L1CAM: variants seen among roughly 807,000 people sequenced by gnomAD.
L1CAM encodes the protein L1 cell adhesion molecule.
In L1CAM, 8 loss-of-function variants were observed where a neutral mutation model predicts 93.0. That is an observed-to-expected ratio of 0.09 (90% CI 0.05 to 0.16). The LOEUF is 0.16. Ranked by LOEUF, L1CAM falls within the 10% of genes least tolerant of loss-of-function variation. The pLI, the probability that L1CAM is intolerant of heterozygous loss-of-function variation, is 1.00. For synonymous variants in L1CAM, 453 were observed against 453.0 expected (o/e 1.00, Z 0.00); for missense variants, 777 against 1,073.4 (o/e 0.72, Z 3.86).
intron 1 of L1CAM, chrX:153,884,101 G>A (rs2064863403): frequency 1.5e-6 from 1 of 662,498 alleles, no homozygotes; most frequent in Admixed American, 3.1e-5. Flanking sequence ...TTTCCCTTCA[G>A]ATAATCATCA....
At chrX:153,871,861 GC>G (rs1400258583) in intron 5 of L1CAM, among the ~76,000 whole-genome samples, 52 of 20,846 alleles carry the variant, frequency 2.5e-3, no homozygotes, top group African/African-American at 4.8e-3. Context: ...CCACCAGCCC[GC>G]CCCCCCCTCC....
chrX:153,866,991 G>A, intron 18 of L1CAM, 63 bp downstream of exon 18: 2 of 1,132,361 alleles, frequency 1.8e-6, no homozygotes, highest in African/African-American at 1.8e-5. Context: ...AGCCAAGGGG[G>A]AGCAACAGAC....
chrX:153,866,781 T>A lies in L1CAM; in HGVS notation c.2299A>T (p.Ile767Phe), dbSNP rs371871521. Residue 767 changes from isoleucine (I) to phenylalanine (F), a missense_variant, in exon 19 of 29, where the codon ATT becomes TTT. Coordinates refer to ENST00000370060, the MANE Select transcript of L1CAM (RefSeq NM_001278116.2). ...QGTRGPWQEQ[I>F]VSDPFLVVSN... ...ACCACCAGGAAGGGGTCGCTGACAA[T>A]CTGCTCCTGCCAGGGCCCTCGTGTC... is the stretch of plus-strand genomic sequence containing the variant. The A allele has an allele frequency of 1.7e-6, 2 of 1,209,494 alleles. No homozygotes were observed. Among genetic ancestry groups the A allele is most frequent in the African/African-American group, 3.5e-5 (2 of 57,060 alleles).
Position 153,864,923 on chromosome X carries a change from C to A in L1CAM, c.2944G>T (p.Asp982Tyr), listed in dbSNP as rs782121391. ...DPELRTHNLT[D>Y]LSPHLRYRFQ... Reference sequence around the variant, plus strand: ...CGGTACCGCAGGTGGGGGCTGAGATCGGTCAGGTTGTGTGTCCGAAGTTCG... The same window carrying A: ...CGGTACCGCAGGTGGGGGCTGAGATAGGTCAGGTTGTGTGTCCGAAGTTCG... The change falls in exon 23 of 29, where the codon GAT becomes TAT. Residue 982 changes from aspartate to tyrosine, a missense_variant. Transcript: ENST00000370060. 2 of 1,211,033 alleles carry A rather than the reference C, an allele frequency of 1.7e-6. No homozygotes were observed. The highest frequency in any genetic ancestry group is 2.2e-6 in the Non-Finnish European group (2 of 895,324).
intron 5 of L1CAM, 74 bp from the exon 6 acceptor site, chrX:153,871,253 A>C: frequency 4.2e-6 from 1 of 240,313 alleles, no homozygotes; most frequent in Non-Finnish European, 7.7e-6. Flanking sequence ...AGGTGGGGGC[A>C]GGGGGGTGGC....
rs146526273 is a variant in L1CAM at position 153,862,765 on chromosome X, C to T, written c.3672G>A (p.Ser1224=). ...SVDVQFNEDG[S]FIGQYSGKKE... The stretch of plus-strand genomic sequence containing the variant: ...TCTTGCCACTGTACTGGCCAATGAA[C>T]GAACCATCCTCGTTGAACTGAACAT... Residue 1224 remains serine, a synonymous_variant, in exon 29 of 29, where the codon TCG becomes TCA. Coordinates refer to ENST00000370060, the MANE Select transcript of L1CAM (RefSeq NM_001278116.2). 6.9e-5 allele frequency: 84 copies of T among 1,211,183 alleles called. No individual in the cohort carries two copies. In the African/African-American group the frequency reaches 1.3e-3, roughly 19 times the overall value.
At chrX:153,884,762 C>T (rs1557096575) in intron 1 of L1CAM, among the ~76,000 whole-genome samples, 1 of 112,730 alleles carries the variant, frequency 8.9e-6, no homozygotes, top group East Asian at 2.8e-4. Context: ...AGTCCCACCA[C>T]CTGCAGCAAG....
intron 1 of L1CAM, chrX:153,876,187 T>C: frequency 2.4e-6 from 1 of 420,928 alleles, no homozygotes. Flanking sequence ...CTCTACTCTC[T>C]GTCTGCACCT....
chrX:153,878,156 C>T (rs1216204758), intron 1 of L1CAM, among the ~76,000 whole-genome samples: 1 of 112,675 alleles, frequency 8.9e-6, no homozygotes, highest in Non-Finnish European at 1.9e-5. Context: ...TCATTAAATC[C>T]ATACTGTGCA....
In L1CAM at chrX:153,861,781, A is replaced by G. The variant is rs1263796178; in HGVS notation, c.*882T>C. 5.5e-5 allele frequency: 6 copies of G among 110,015 alleles called. No individual in the cohort carries two copies. The highest frequency in any genetic ancestry group is 2.0e-4 in the African/African-American group (6 of 30,178). 9.1% of individuals were successfully genotyped at this position (110,015 alleles called of 1,213,427 possible). A position where few individuals can be genotyped will look rare whatever the true frequency, so the allele number is the denominator to read the frequency against. On this transcript the variant is annotated 3_prime_UTR_variant, in exon 29 of 29. Transcript: ENST00000370060. ...ACATCTGCCTACACACTAGTGGCGT[A>G]AAGGGAAGGACAGGGGTACAAACTT...
At chrX:153,873,544 G>A in intron 2 of L1CAM, among the ~76,000 whole-genome samples, 1 of 112,453 alleles carries the variant, frequency 8.9e-6, no homozygotes, top group East Asian at 2.8e-4. Flanking sequence ...AGCAGACAGG[G>A]AGAGAGAAAT....
chrX:153,872,127 C>T, intron 5 of L1CAM, 25 bp downstream of exon 5: 6 of 1,170,564 alleles, frequency 5.1e-6, no homozygotes, highest in Middle Eastern at 4.7e-4. Context: ...GACCTGCCCT[C>T]CCTGGTCCCT....
chrX:153,865,183 A>AG lies in L1CAM; in HGVS notation c.2776dup (p.Leu926ProfsTer35). On this transcript the variant is annotated frameshift_variant, in exon 22 of 29. Transcript: ENST00000370060. LOFTEE classifies it high-confidence loss of function. ...CAGGCTGGTGTTCGACTGGCACTCCAGGTGCAACGCCTCGGGGTGGCCAGG... is the reference window on the plus strand; with the variant it reads ...CAGGCTGGTGTTCGACTGGCACTCCAGGGTGCAACGCCTCGGGGTGGCCAGG... 1 of 1,209,058 alleles carries AG rather than the reference A, an allele frequency of 8.3e-7. No individual in the cohort carries two copies. Among genetic ancestry groups the AG allele is most frequent in the Non-Finnish European group, 1.1e-6 (1 of 894,599 alleles).
At chrX:153,872,480 G>T in intron 4 of L1CAM, 112 bp downstream of exon 4, 2 of 934,330 alleles carry the variant, frequency 2.1e-6, no homozygotes, top group Non-Finnish European at 1.5e-6. Context: ...CGAGGACTTG[G>T]GGTGATTAGC....
chrX:153,880,749 G>A (rs888407392), intron 1 of L1CAM: 4 of 315,842 alleles, frequency 1.3e-5, no homozygotes, highest in Admixed American at 1.0e-4. Context: ...GCCTTGTTAT[G>A]TGTTATGTAG....
At chrX:153,864,739 A>T in intron 23 of L1CAM, 35 bp from the exon 24 acceptor site, 4 of 1,211,901 alleles carry the variant, frequency 3.3e-6, no homozygotes, top group Non-Finnish European at 4.5e-6. Context: ...AGAGTGTGGC[A>T]GCTGCCAGGA....
At chrX:153,880,720 T>C (rs1557095563) in intron 1 of L1CAM, 1 of 334,553 alleles carries the variant, frequency 3.0e-6, no homozygotes, top group South Asian at 2.7e-5. Context: ...GTCCCAGAGG[T>C]GGGGGAAGCC....
intron 2 of L1CAM, among the ~76,000 whole-genome samples, chrX:153,874,980 G>A (rs2064802176): frequency 8.9e-6 from 1 of 112,249 alleles, no homozygotes; most frequent in Non-Finnish European, 1.9e-5. Context: ...AAGTAACAGA[G>A]TGACTCACAC....
chrX:153,885,525 G>T, intron 1 of L1CAM: 1 of 563,381 alleles, frequency 1.8e-6, no homozygotes. Flanking sequence ...GGCAGGCAGC[G>T]CCCAGTCCCG....
Sources: allele counts gnomAD v4.1 joint callset (sites outside exome capture counted in the v4.1 genomes callset), GRCh38; gene constraint gnomAD v4.1.1; transcripts MANE v1.5; gene names NCBI Gene and HGNC (gene_info 2026-07-23, HGNC 2026-07-21).